The following ITPR2 variants were observed in gnomAD, a reference collection of about 807,000 sequenced individuals.
The protein encoded by ITPR2 is inositol 1,4,5-trisphosphate-gated calcium channel ITPR2.
A neutral mutation model predicts 317.1 loss-of-function variants in ITPR2; 207 were observed. The ratio of observed to expected loss-of-function variants is 0.65; its 90% CI spans 0.58 to 0.73. The LOEUF (loss-of-function observed/expected upper bound fraction) is 0.73, where lower values mean the gene tolerates loss of function less well. ITPR2 is among the 30% of genes least tolerant of loss of function. The probability of loss-of-function intolerance (pLI) is 0.00; values close to 1 mark genes in which losing one functional copy is unlikely to be tolerated. For synonymous variants in ITPR2, 1,156 were observed against 1,149.1 expected, an observed-to-expected ratio of 1.01 and a Z score of -0.12; for missense variants, 2,613 against 3,284.0, an observed-to-expected ratio of 0.80 and a Z score of 4.99.
At chr12:26,595,344 T>C in intron 32 of ITPR2, 121 bp downstream of exon 32, 1 of 930,190 alleles carries the variant, frequency 1.1e-6, no homozygotes, top group South Asian at 1.6e-5. Flanking sequence ...ATTCACAACT[T>C]TATGAATGAA....
At chr12:26,771,185 C>T (rs1217584502) in intron 2 of ITPR2, among the ~76,000 whole-genome samples, 5 of 152,170 alleles carry the variant, frequency 3.3e-5, no homozygotes, top group African/African-American at 1.2e-4. Flanking sequence ...AGACATTATA[C>T]ATAAAGACTT....
intron 32 of ITPR2, among the ~76,000 whole-genome samples, chr12:26,581,108 C>A (rs1945393539): frequency 6.6e-6 from 1 of 152,060 alleles, no homozygotes; most frequent in Non-Finnish European, 1.5e-5. Context: ...CTTAGACCAT[C>A]CAAATTTTTA....
intron 37 of ITPR2, among the ~76,000 whole-genome samples, chr12:26,499,928 G>A (rs1022798955): frequency 3.3e-5 from 5 of 152,116 alleles, no homozygotes; most frequent in African/African-American, 9.7e-5. Flanking sequence ...AACAAATTCT[G>A]TCTTGGTTCA....
chr12:26,698,950 C>A (rs1948397512), intron 9 of ITPR2, among the ~76,000 whole-genome samples: 1 of 151,416 alleles, frequency 6.6e-6, no homozygotes, highest in Non-Finnish European at 1.5e-5. Context: ...TCAAGTTTCA[C>A]CATAGCTTTT....
At chr12:26,471,323 G>T (rs1001332256) in intron 45 of ITPR2, among the ~76,000 whole-genome samples, 3 of 152,172 alleles carry the variant, frequency 2.0e-5, no homozygotes, top group Admixed American at 2.0e-4. Context: ...ACTGAACAGT[G>T]CTCTGGACTG....
intron 45 of ITPR2, among the ~76,000 whole-genome samples, chr12:26,468,086 G>T (rs1335564656): frequency 6.6e-6 from 1 of 152,146 alleles, no homozygotes; most frequent in Non-Finnish European, 1.5e-5. Flanking sequence ...TAAGTATGTG[G>T]TTCTAGTTGG....
chr12:26,481,295 A>G, intron 42 of ITPR2, 54 bp from the exon 43 acceptor site: 2 of 1,006,912 alleles, frequency 2.0e-6, no homozygotes, highest in Non-Finnish European at 3.1e-6. Context: ...GAATAGCACT[A>G]GAACTAACAG....
At chr12:26,578,637 C>G in intron 34 of ITPR2, 76 bp downstream of exon 34, 1 of 1,328,564 alleles carries the variant, frequency 7.5e-7, no homozygotes, top group Non-Finnish European at 1.0e-6. Context: ...TGGGAAGCTG[C>G]TTGTGTTGCC....
At chr12:26,462,960 C>T (rs564879243) in intron 45 of ITPR2, among the ~76,000 whole-genome samples, 6 of 152,254 alleles carry the variant, frequency 3.9e-5, no homozygotes, top group East Asian at 1.9e-4. Flanking sequence ...GTGTAAGCCA[C>T]GGTGCCTGAG....
chr12:26,597,171 A>G (rs780121459), intron 30 of ITPR2, 37 bp from the exon 31 acceptor site: 1 of 1,609,880 alleles, frequency 6.2e-7, no homozygotes, highest in Non-Finnish European at 8.5e-7. Flanking sequence ...TAGCAGTCCG[A>G]ACATTCATCC....
chr12:26,794,447 C>G (rs1260980370), intron 1 of ITPR2, among the ~76,000 whole-genome samples: 1 of 152,120 alleles, frequency 6.6e-6, no homozygotes, highest in Non-Finnish European at 1.5e-5. Flanking sequence ...TGTCCATGTC[C>G]AGAAATATAA....
intron 26 of ITPR2, among the ~76,000 whole-genome samples, chr12:26,619,984 C>CT (rs1946456986): frequency 6.6e-6 from 1 of 152,180 alleles, no homozygotes; most frequent in African/African-American, 2.4e-5. Context: ...TCTGGGGTGT[C>CT]TGATTCCAAA....
chr12:26,616,766 T>C (rs1395219656), intron 26 of ITPR2, among the ~76,000 whole-genome samples: 1 of 152,130 alleles, frequency 6.6e-6, no homozygotes, highest in Non-Finnish European at 1.5e-5. Flanking sequence ...GGTCCACTTA[T>C]ACACAGATTT....
intron 24 of ITPR2, among the ~76,000 whole-genome samples, 188 bp downstream of exon 24, chr12:26,624,111 A>T (rs1458697852): frequency 2.6e-5 from 4 of 152,142 alleles, no homozygotes; most frequent in African/African-American, 9.7e-5. Flanking sequence ...TTTTTACCTG[A>T]CCTAAAGAAA....
intron 41 of ITPR2, 92 bp from the exon 42 acceptor site, chr12:26,483,990 T>G: frequency 9.1e-7 from 1 of 1,103,304 alleles, no homozygotes; most frequent in East Asian, 2.4e-5. Flanking sequence ...TTTCTAACTT[T>G]TCTTTGTAAG....
At position 26,782,003 on chromosome 12, in the gene ITPR2, T is replaced by C. The variant is rs1233032707; in HGVS notation, c.163+8154A>G. On this transcript the variant is annotated intron_variant, in intron 2 of 56. Transcript: ENST00000381340. ...TAATAAACTCCCCTGTATATATATA[T>C]ATATATATATATATATATATATATA... Among the ~76,000 whole-genome samples, 4 of 24,220 alleles carry C rather than the reference T, an allele frequency of 1.7e-4. No individual in the cohort carries two copies. The East Asian group carries it at 0.02, about 121-fold the overall frequency. The allele number at this position is 24,220 out of a possible 152,430, so 15.9% of individuals were successfully genotyped here. A position where few individuals can be genotyped will look rare whatever the true frequency, so the allele number is the denominator to read the frequency against.
At chr12:26,576,914 C>T (rs950568733) in intron 34 of ITPR2, among the ~76,000 whole-genome samples, 17 of 152,102 alleles carry the variant, frequency 1.1e-4, no homozygotes, top group Admixed American at 1.1e-3. Context: ...TGAATTGATG[C>T]TGTTATGAGT....
At chr12:26,593,520 C>T (rs1945758879) in intron 32 of ITPR2, among the ~76,000 whole-genome samples, 1 of 152,140 alleles carries the variant, frequency 6.6e-6, no homozygotes, top group African/African-American at 2.4e-5. Flanking sequence ...AAGGTGATTC[C>T]TGTCAACCCT....
chr12:26,567,971 A>ATATATATATATATAT (rs1360321201), intron 34 of ITPR2, among the ~76,000 whole-genome samples: 3 of 7,648 alleles, frequency 3.9e-4, no homozygotes. Context: ...TATATATATT[A>ATATATATATATATAT]TATATATTAT....
Sources: allele counts gnomAD v4.1 joint callset (sites outside exome capture counted in the v4.1 genomes callset), GRCh38; gene constraint gnomAD v4.1.1; transcripts MANE v1.5; gene names NCBI Gene and HGNC (gene_info 2026-07-23, HGNC 2026-07-21).